The following INSYN1 variants were observed in gnomAD, a reference collection of about 807,000 sequenced individuals.
The protein encoded by INSYN1 is inhibitory synaptic factor 1.
A neutral mutation model predicts 17.1 loss-of-function variants in INSYN1; 7 were observed. That is an observed-to-expected ratio of 0.41 (90% CI 0.23 to 0.77). The LOEUF is 0.77. Among genes scored for constraint, INSYN1 ranks in the 30% least tolerant of loss-of-function variants. The pLI is 0.32. For missense variants in INSYN1, 339 were observed against 400.6 expected (o/e 0.85, Z 1.31); for synonymous variants, 174 against 166.3 (o/e 1.05, Z -0.36).
At position 73,753,180 on chromosome 15, in the gene INSYN1, G is replaced by A. The variant is rs1902039827; in HGVS notation, c.-1638C>T. ...CCTGCCCTGCCCCGCCGGGCTCCCG[G>A]GGCCTGGGCCCGCTCCCCAAGCGCC... On this transcript the variant is annotated 5_prime_UTR_variant, in exon 1 of 3. Coordinates refer to ENST00000569673, the MANE Select transcript of INSYN1 (RefSeq NM_001039614.3). The surrounding 1 kb of genome is among the most constrained non-coding windows in gnomAD (Gnocchi z 4.2). 6.8e-6 allele frequency among the ~76,000 whole-genome samples: 1 copy of A among 146,050 alleles called. No individual in the cohort carries two copies. Among genetic ancestry groups the A allele is most frequent in the Non-Finnish European group, 1.5e-5 (1 of 65,678 alleles).
In INSYN1 at chr15:73,736,757, G is replaced by A. The variant is rs1356807634; in HGVS notation, c.*3160C>T. The A allele has an allele frequency of 6.6e-6, 1 of 152,132 alleles. No individual in the cohort carries two copies. Among genetic ancestry groups the A allele is most frequent in the Admixed American group, 6.5e-5 (1 of 15,272 alleles). 9.4% of individuals were successfully genotyped at this position (152,132 alleles called of 1,614,324 possible). ...AAAAATACAAAACTTAGTAGCTGGG[G>A]TGGTGGCGGGTGCCTGTAGTCCAAG... On this transcript the variant is annotated 3_prime_UTR_variant, in exon 3 of 3. Coordinates refer to ENST00000569673, the MANE Select transcript of INSYN1 (RefSeq NM_001039614.3).
intron 2 of INSYN1, among the ~76,000 whole-genome samples, chr15:73,748,540 C>A (rs1901897572): frequency 6.6e-6 from 1 of 152,136 alleles, no homozygotes; most frequent in Non-Finnish European, 1.5e-5. Context: ...CTTGAGCCTA[C>A]CCATGCCCCC....
intron 2 of INSYN1, among the ~76,000 whole-genome samples, chr15:73,746,908 G>A (rs1901850342): frequency 6.6e-6 from 1 of 152,042 alleles, no homozygotes; most frequent in Non-Finnish European, 1.5e-5. Flanking sequence ...GGGTAACAGG[G>A]GAGCAGTGGG....
rs1325484538 is a variant in INSYN1, at chr15:73,736,571, A to G, written c.*3346T>C. On this transcript the variant is annotated 3_prime_UTR_variant, in exon 3 of 3. Transcript: ENST00000569673. Reference sequence around the variant, plus strand: ...ACGCCATTGCTCTCCAGCCTGGGAGATGGAGCAAGACTCCATCTCAAAAAA... The same window carrying G: ...ACGCCATTGCTCTCCAGCCTGGGAGGTGGAGCAAGACTCCATCTCAAAAAA... 1 of 151,834 alleles carries G rather than the reference A, an allele frequency of 6.6e-6. No individual in the cohort carries two copies. Among genetic ancestry groups the G allele is most frequent in the Non-Finnish European group, 1.5e-5 (1 of 68,036 alleles). The allele number at this position is 151,834 out of a possible 1,614,324, so 9.4% of individuals were successfully genotyped here. A position where few individuals can be genotyped will look rare whatever the true frequency, so the allele number is the denominator to read the frequency against.
At position 73,751,434 on chromosome 15, in the gene INSYN1, T is replaced by A; in HGVS notation, c.-304A>T. Reference sequence around the variant, plus strand: ...AGTGGCCTCCAGGTCTTGAAGTGCCTGTGGGTGTGCAGAGCTGATCTCTGC... The same window carrying A: ...AGTGGCCTCCAGGTCTTGAAGTGCCAGTGGGTGTGCAGAGCTGATCTCTGC... On this transcript the variant is annotated 5_prime_UTR_variant, in exon 2 of 3. Coordinates refer to ENST00000569673, the MANE Select transcript of INSYN1 (RefSeq NM_001039614.3). 2.4e-6 allele frequency: 1 copy of A among 419,372 alleles called. No homozygotes were observed. Among genetic ancestry groups the A allele is most frequent in the Non-Finnish European group, 4.5e-6 (1 of 224,304 alleles). The allele number at this position is 419,372 out of a possible 1,614,324, so 26.0% of individuals were successfully genotyped here.
chr15:73,741,612 A>G (rs775963695), intron 2 of INSYN1, among the ~76,000 whole-genome samples: 10 of 152,136 alleles, frequency 6.6e-5, no homozygotes, highest in Non-Finnish European at 1.2e-4. Flanking sequence ...GGGACAGGGC[A>G]AGAGAAGGGA....
At chr15:73,743,666 A>C in intron 2 of INSYN1, among the ~76,000 whole-genome samples, 1 of 151,508 alleles carries the variant, frequency 6.6e-6, no homozygotes, top group Non-Finnish European at 1.5e-5. Flanking sequence ...AAAAAATAAA[A>C]ATAAATTAAA....
In INSYN1 at chr15:73,740,395, G is replaced by A; in HGVS notation, c.404C>T (p.Ala135Val). ...ATTCATGAGGCGGTAGTCAGGGCCA[G>A]CCCCTGGCCGAGTCGACTCGGGACC... ...VDGPESTRPG[A>V]GPDYRLMNGG... Residue 135 changes from alanine to valine, a missense_variant, in exon 3 of 3, where the codon GCT becomes GTT. Coordinates refer to ENST00000569673, the MANE Select transcript of INSYN1 (RefSeq NM_001039614.3). 6.2e-7 allele frequency: 1 copy of A among 1,609,934 alleles called. No homozygotes were observed. The highest frequency in any genetic ancestry group is 8.5e-7 in the Non-Finnish European group (1 of 1,178,032).
Position 73,735,880 on chromosome 15 carries a change from A to G in INSYN1, c.*4037T>C, listed in dbSNP as rs1310544910. 1 of 152,262 alleles carries G rather than the reference A, an allele frequency of 6.6e-6. No homozygotes were observed. The highest frequency in any genetic ancestry group is 2.4e-5 in the African/African-American group (1 of 41,458). 9.4% of individuals were successfully genotyped at this position (152,262 alleles called of 1,614,324 possible). ...CTGTGAGGAGTAAATGAGATAAGACATACACTTAGAACAATGCCCAGTGCC... is the reference window on the plus strand; with the variant it reads ...CTGTGAGGAGTAAATGAGATAAGACGTACACTTAGAACAATGCCCAGTGCC... On this transcript the variant is annotated 3_prime_UTR_variant, in exon 3 of 3. Coordinates refer to ENST00000569673, the MANE Select transcript of INSYN1 (RefSeq NM_001039614.3).
Position 73,737,711 on chromosome 15 carries a change from A to T in INSYN1, c.*2206T>A, listed in dbSNP as rs968861404. 11 of 152,190 alleles carry T rather than the reference A, an allele frequency of 7.2e-5. No homozygotes were observed. The highest frequency in any genetic ancestry group is 2.7e-4 in the African/African-American group (11 of 41,424). The allele number at this position is 152,190 out of a possible 1,614,324, so 9.4% of individuals were successfully genotyped here. ...ATCATATCCCCTGCAGCTGCTCCAG[A>T]CCGGCCTGTACAATCTCACTGTATG... On this transcript the variant is annotated 3_prime_UTR_variant, in exon 3 of 3. Coordinates refer to ENST00000569673, the MANE Select transcript of INSYN1 (RefSeq NM_001039614.3).
At position 73,737,312 on chromosome 15, in the gene INSYN1, G is replaced by A. The variant is rs1297093677; in HGVS notation, c.*2605C>T. ...ACAGATGAAATGCAAGCCTCAGAGG[G>A]AGAACTGTTATGTCCATTCTTAGCA... On this transcript the variant is annotated 3_prime_UTR_variant, in exon 3 of 3. Transcript: ENST00000569673. The A allele has an allele frequency of 1.3e-5, 2 of 152,276 alleles. No individual in the cohort carries two copies. Among genetic ancestry groups the A allele is most frequent in the Non-Finnish European group, 2.9e-5 (2 of 68,060 alleles). The allele number at this position is 152,276 out of a possible 1,614,324, so 9.4% of individuals were successfully genotyped here.
chr15:73,747,141 C>T (rs754237018), intron 2 of INSYN1, among the ~76,000 whole-genome samples: 3 of 152,178 alleles, frequency 2.0e-5, no homozygotes, highest in African/African-American at 7.2e-5. Context: ...ACTTCCTCTT[C>T]GAGACCTTGG....
In INSYN1 at chr15:73,751,308, C is replaced by G; in HGVS notation, c.-178G>C. On this transcript the variant is annotated 5_prime_UTR_variant, in exon 2 of 3. Transcript: ENST00000569673. ...GCCCCCTGCCACCCAGCCTCCTCTGCCTCTGGGTGGAGAGTGGGACACCCA... is the reference window on the plus strand; with the variant it reads ...GCCCCCTGCCACCCAGCCTCCTCTGGCTCTGGGTGGAGAGTGGGACACCCA... 1 of 651,350 alleles carries G rather than the reference C, an allele frequency of 1.5e-6. No homozygotes were observed. The highest frequency in any genetic ancestry group is 2.6e-6 in the Non-Finnish European group (1 of 380,952). 40.3% of individuals were successfully genotyped at this position (651,350 alleles called of 1,614,324 possible).
At position 73,753,307 on chromosome 15, in the gene INSYN1, G is replaced by A. The variant is rs1055922751; in HGVS notation, c.-1765C>T. ...GCGCTGGCTCCCTTAAAGGCCGCCC[G>A]GCTCGCTTGGCTCCGCTTGCCTCGG... On this transcript the variant is annotated 5_prime_UTR_variant, in exon 1 of 3. Coordinates refer to ENST00000569673, the MANE Select transcript of INSYN1 (RefSeq NM_001039614.3). This position sits in a 1 kb window ranked among gnomAD's most constrained non-coding sequence, Gnocchi z 4.2. Among the ~76,000 whole-genome samples the A allele has an allele frequency of 8.2e-4, 124 of 150,844 alleles. No homozygotes were observed. The highest frequency in any genetic ancestry group is 3.8e-3 in the East Asian group (19 of 5,028).
At chr15:73,746,377 C>T (rs1348897514) in intron 2 of INSYN1, among the ~76,000 whole-genome samples, 1 of 152,200 alleles carries the variant, frequency 6.6e-6, no homozygotes, top group African/African-American at 2.4e-5. Flanking sequence ...GCAATTCTTG[C>T]TGAGCTGCAG....
intron 2 of INSYN1, among the ~76,000 whole-genome samples, chr15:73,744,284 T>C (rs1213981567): frequency 2.6e-5 from 4 of 152,212 alleles, no homozygotes; most frequent in Non-Finnish European, 5.9e-5. Context: ...TAATGGGACA[T>C]GCCAGGCCTT....
rs531816789 is a variant in INSYN1, at chr15:73,751,574, G to A, written c.-444C>T. On this transcript the variant is annotated 5_prime_UTR_variant, in exon 2 of 3. Coordinates refer to ENST00000569673, the MANE Select transcript of INSYN1 (RefSeq NM_001039614.3). ...CTCACAACTCCTAGGCAGTTGCAAA[G>A]GCAGAGGTCTCTGGATGCAACTGAC... 8.5e-5 allele frequency: 16 copies of A among 187,576 alleles called. No homozygotes were observed. The highest frequency in any genetic ancestry group is 1.6e-4 in the Non-Finnish European group (14 of 87,974). The allele number at this position is 187,576 out of a possible 1,614,324, so 11.6% of individuals were successfully genotyped here.
intron 2 of INSYN1, among the ~76,000 whole-genome samples, chr15:73,748,385 GC>G (rs1056881212): frequency 6.6e-6 from 1 of 152,086 alleles, no homozygotes; most frequent in African/African-American, 2.4e-5. Flanking sequence ...CATATGTGCA[GC>G]CCCCCACCCC....
intron 2 of INSYN1, among the ~76,000 whole-genome samples, chr15:73,748,071 G>A (rs575782557): frequency 1.0e-3 from 153 of 152,208 alleles, no homozygotes; most frequent in South Asian, 1.9e-3. Flanking sequence ...GTTGATCCCC[G>A]CGCCCCCAGC....
Sources: allele counts gnomAD v4.1 joint callset (sites outside exome capture counted in the v4.1 genomes callset), GRCh38; gene constraint gnomAD v4.1.1; non-coding constraint Gnocchi (gnomAD v3.1); transcripts MANE v1.5; gene names NCBI Gene and HGNC (gene_info 2026-07-23, HGNC 2026-07-21).